Variants in RPS6KC1 observed in about 807,000 individuals in gnomAD.
RPS6KC1 encodes the protein inactive ribosomal protein S6 kinase delta-1.
A neutral mutation model predicts 103.8 loss-of-function variants in RPS6KC1; 54 were observed. The ratio of observed to expected loss-of-function variants is 0.52; its 90% confidence interval spans 0.42 to 0.65. The LOEUF is 0.65. RPS6KC1 is among the 30% of genes least tolerant of loss of function. The pLI, the probability that RPS6KC1 is intolerant of heterozygous loss-of-function variation, is 0.00. For synonymous variants in RPS6KC1, 439 were observed against 438.7 expected, an observed-to-expected ratio of 1.00 and a Z score of -0.01; for missense variants, 1,151 against 1,253.8, an observed-to-expected ratio of 0.92 and a Z score of 1.24.
chr1:213,265,306 A>G (rs191786691), intron 14 of RPS6KC1, among the ~76,000 whole-genome samples: 1 of 152,358 alleles, frequency 6.6e-6, no homozygotes, highest in East Asian at 1.9e-4. Flanking sequence ...TTGCAGATAT[A>G]TAGAGGAGTT....
At chr1:213,615,791 A>G in the RPS6KC1 span, among the ~76,000 whole-genome samples, 1 of 152,190 alleles carries the variant, frequency 6.6e-6, no homozygotes, top group Non-Finnish European at 1.5e-5. Flanking sequence ...GTCCAGGGGG[A>G]GGCATCCAGC....
chr1:213,848,139 T>C, the RPS6KC1 span, among the ~76,000 whole-genome samples: 1 of 152,202 alleles, frequency 6.6e-6, no homozygotes, highest in Admixed American at 6.5e-5. Context: ...TTTTTAACAT[T>C]ATTGATGTAT....
intron 8 of RPS6KC1, among the ~76,000 whole-genome samples, chr1:213,206,481 A>G (rs2093353156): frequency 6.6e-6 from 1 of 152,268 alleles, no homozygotes; most frequent in Admixed American, 6.5e-5. Flanking sequence ...TTGGAAAGAT[A>G]TAAGTAAATA....
intron 6 of RPS6KC1, among the ~76,000 whole-genome samples, chr1:213,160,113 C>T (rs2090316666): frequency 6.6e-6 from 1 of 152,088 alleles, no homozygotes; most frequent in South Asian, 2.1e-4. Context: ...CTTATTTGTT[C>T]TCTCTTATGA....
chr1:213,114,891 C>G (rs1312143023), intron 4 of RPS6KC1, among the ~76,000 whole-genome samples: 1 of 152,148 alleles, frequency 6.6e-6, no homozygotes, highest in Non-Finnish European at 1.5e-5. Flanking sequence ...CCTTGCATCT[C>G]AGGGATGAAG....
At chr1:213,663,457 G>A in the RPS6KC1 span, among the ~76,000 whole-genome samples, 2 of 152,130 alleles carry the variant, frequency 1.3e-5, no homozygotes, top group Admixed American at 1.3e-4. Flanking sequence ...TCTTCCTCTT[G>A]TAGCATTTCA....
chr1:213,851,565 G>A, the RPS6KC1 span, among the ~76,000 whole-genome samples: 53 of 152,096 alleles, frequency 3.5e-4, no homozygotes, highest in East Asian at 0.01. Flanking sequence ...CCAGGTAATC[G>A]CATTCACTTC....
the RPS6KC1 span, among the ~76,000 whole-genome samples, chr1:213,284,511 G>GAA: frequency 1.7e-5 from 2 of 118,790 alleles, no homozygotes; most frequent in Non-Finnish European, 1.8e-5. Context: ...CTTGGTCTCA[G>GAA]AAAAAAAAAA....
the RPS6KC1 span, among the ~76,000 whole-genome samples, chr1:213,695,945 CTT>C: frequency 1.3e-5 from 2 of 152,264 alleles, no homozygotes; most frequent in East Asian, 1.9e-4. Flanking sequence ...CTGTCAATAA[CTT>C]TATAATTTAT....
chr1:213,258,290 G>C (rs2094699929), intron 12 of RPS6KC1, among the ~76,000 whole-genome samples: 1 of 152,084 alleles, frequency 6.6e-6, no homozygotes, highest in Admixed American at 6.6e-5. Flanking sequence ...TTTTAGTAGA[G>C]ATGCGGTTTC....
the RPS6KC1 span, among the ~76,000 whole-genome samples, chr1:213,455,805 G>T: frequency 2.6e-4 from 39 of 152,130 alleles, no homozygotes; most frequent in Non-Finnish European, 4.7e-4. Context: ...ATTGCCTTTT[G>T]TTTTTATTGA....
chr1:213,631,339 G>A, the RPS6KC1 span, among the ~76,000 whole-genome samples: 525 of 147,488 alleles, frequency 3.6e-3, 7 homozygotes, highest in African/African-American at 0.013. Flanking sequence ...GTTCCTATTC[G>A]GCCATCTTGG....
At chr1:213,579,879 C>T in the RPS6KC1 span, among the ~76,000 whole-genome samples, 1 of 151,962 alleles carries the variant, frequency 6.6e-6, no homozygotes, top group Non-Finnish European at 1.5e-5. Flanking sequence ...TAAAAGATAC[C>T]TTTCAAAAGG....
At chr1:213,057,008 C>T (rs533493369) in intron 1 of RPS6KC1, among the ~76,000 whole-genome samples, 6 of 152,154 alleles carry the variant, frequency 3.9e-5, no homozygotes, top group Admixed American at 1.3e-4. Flanking sequence ...GGAACGATCA[C>T]GGCTCACTCT....
At chr1:213,120,739 G>A (rs2084285998) in intron 5 of RPS6KC1, among the ~76,000 whole-genome samples, 3 of 152,138 alleles carry the variant, frequency 2.0e-5, no homozygotes, top group Admixed American at 2.0e-4. Context: ...TAGCTAGCTG[G>A]TGGAGTGAGG....
intron 3 of RPS6KC1, among the ~76,000 whole-genome samples, chr1:213,087,576 A>C (rs1399459081): frequency 6.6e-6 from 1 of 152,192 alleles, no homozygotes; most frequent in Admixed American, 6.5e-5. Context: ...AGGGCACTCC[A>C]TTTCAGGAGT....
the RPS6KC1 span, among the ~76,000 whole-genome samples, chr1:213,802,475 T>C: frequency 6.6e-6 from 1 of 152,182 alleles, no homozygotes; most frequent in East Asian, 1.9e-4. Context: ...GAAAATGAAC[T>C]TGACCTCCAA....
chr1:213,330,477 A>G, the RPS6KC1 span, among the ~76,000 whole-genome samples: 1 of 152,150 alleles, frequency 6.6e-6, no homozygotes, highest in African/African-American at 2.4e-5. Flanking sequence ...GCTCCCTAAT[A>G]GAAGCTCCCC....
chr1:213,427,766 G>A, the RPS6KC1 span, among the ~76,000 whole-genome samples: 3 of 152,304 alleles, frequency 2.0e-5, no homozygotes, highest in African/African-American at 7.2e-5. Context: ...ATGTTCTCGT[G>A]TTAGCTATGA....
Sources: allele counts gnomAD v4.1 joint callset (sites outside exome capture counted in the v4.1 genomes callset), GRCh38; gene constraint gnomAD v4.1.1; transcripts MANE v1.5; gene names NCBI Gene and HGNC (gene_info 2026-07-23, HGNC 2026-07-21).